The following ERG variants were observed in gnomAD, a reference collection of about 807,000 sequenced individuals.
The protein encoded by ERG is transcriptional regulator ERG.
A neutral mutation model predicts 55.3 loss-of-function variants in ERG; 9 were observed. That is an observed-to-expected ratio of 0.16 (90% CI 0.10 to 0.28). The LOEUF (loss-of-function observed/expected upper bound fraction) is 0.28. ERG is among the 10% of genes least tolerant of loss of function. The pLI is 1.00. For synonymous variants in ERG, 223 were observed against 237.3 expected (o/e 0.94, Z 0.55); for missense variants, 434 against 631.6 (o/e 0.69, Z 3.35).
intron 1 of ERG, among the ~76,000 whole-genome samples, chr21:38,489,053 G>A (rs1453442741): frequency 6.6e-6 from 1 of 152,210 alleles, no homozygotes; most frequent in Admixed American, 6.5e-5. Context: ...TCCACTGGGA[G>A]CCCTTCCTGC....
At chr21:38,523,551 G>A (rs952093794) in intron 2 of ERG, among the ~76,000 whole-genome samples, 3 of 152,110 alleles carry the variant, frequency 2.0e-5, no homozygotes, top group African/African-American at 7.2e-5. Context: ...GGAAGCCGGT[G>A]GTCACCCTGA....
chr21:38,500,746 C>A (rs922940789), upstream of ERG, among the ~76,000 whole-genome samples: 4 of 152,016 alleles, frequency 2.6e-5, no homozygotes, highest in Non-Finnish European at 5.9e-5. Context: ...AAGAGAAAAA[C>A]AGATGCTATT....
chr21:38,465,903 CCCT>C (rs2059084699), intron 1 of ERG, among the ~76,000 whole-genome samples: 1 of 152,078 alleles, frequency 6.6e-6, no homozygotes, highest in Admixed American at 6.6e-5. Flanking sequence ...GATGAGATGG[CCCT>C]CCCTGACCGC....
At chr21:38,635,898 T>C (rs1379423274) in intron 1 of ERG, among the ~76,000 whole-genome samples, 2 of 152,108 alleles carry the variant, frequency 1.3e-5, no homozygotes, top group East Asian at 1.9e-4. Context: ...AGTTCCACAA[T>C]TTGGGGGAGG....
chr21:38,622,800 C>T (rs1050727729), intron 1 of ERG, among the ~76,000 whole-genome samples: 1 of 148,368 alleles, frequency 6.7e-6, no homozygotes, highest in Non-Finnish European at 1.5e-5. Context: ...ATACCACAAA[C>T]ACACACAATC....
chr21:38,617,815 C>A (rs1241260800), intron 1 of ERG, among the ~76,000 whole-genome samples: 1 of 152,028 alleles, frequency 6.6e-6, no homozygotes, highest in Non-Finnish European at 1.5e-5. Flanking sequence ...TCTTTGTTTC[C>A]CAAAGGGTTT....
rs1987363934 is a variant in ERG, at chr21:38,380,244, T to C, written c.*3159A>G. On this transcript the variant is annotated 3_prime_UTR_variant, in exon 10 of 10. Coordinates refer to ENST00000288319, the MANE Select transcript of ERG (RefSeq NM_182918.4). ...CCAGCTCCTGAGCTGTAGCCATCTC[T>C]GCTGCACCTGCTGTCAGAGGGCAGC... The C allele has an allele frequency of 1.0e-5, 11 of 1,054,826 alleles. No individual in the cohort carries two copies. Among genetic ancestry groups the C allele is most frequent in the Non-Finnish European group, 1.3e-5 (11 of 872,728 alleles). The allele number at this position is 1,054,826 out of a possible 1,614,324, so 65.3% of individuals were successfully genotyped here.
chr21:38,605,598 A>G (rs2060191658), intron 1 of ERG, among the ~76,000 whole-genome samples: 1 of 152,184 alleles, frequency 6.6e-6, no homozygotes, highest in Non-Finnish European at 1.5e-5. Flanking sequence ...ACAGGAACCC[A>G]TAGGGATTTG....
chr21:38,628,668 C>G (rs1458637465), intron 1 of ERG, among the ~76,000 whole-genome samples: 1 of 152,162 alleles, frequency 6.6e-6, no homozygotes, highest in African/African-American at 2.4e-5. Context: ...GTGAGCATAC[C>G]ACACCTGCAC....
At chr21:38,446,944 A>C (rs578010284) in intron 1 of ERG, among the ~76,000 whole-genome samples, 1 of 152,166 alleles carries the variant, frequency 6.6e-6, no homozygotes, top group East Asian at 1.9e-4. Flanking sequence ...CCTTTGGGAC[A>C]TGTGTTTAAA....
intron 1 of ERG, among the ~76,000 whole-genome samples, chr21:38,496,302 C>T (rs2059378831): frequency 6.6e-6 from 1 of 152,154 alleles, no homozygotes; most frequent in South Asian, 2.1e-4. Flanking sequence ...AACAAAAAAA[C>T]AGAGTGCATT....
chr21:38,497,003 T>G (rs2226683), intron 1 of ERG, among the ~76,000 whole-genome samples: 2 of 152,178 alleles, frequency 1.3e-5, no homozygotes, highest in African/African-American at 4.8e-5. Context: ...CATGTAGCTA[T>G]AAGTAGGGCA....
intron 2 of ERG, among the ~76,000 whole-genome samples, chr21:38,541,500 TAAAC>T (rs1370933269): frequency 6.6e-6 from 1 of 152,186 alleles, no homozygotes; most frequent in Non-Finnish European, 1.5e-5. Context: ...AAGTGTAAAA[TAAAC>T]CTTAAATGAC....
Position 38,382,925 on chromosome 21 carries a change from G to T in ERG, c.*478C>A. On this transcript the variant is annotated 3_prime_UTR_variant, in exon 10 of 10. Coordinates refer to ENST00000288319, the MANE Select transcript of ERG (RefSeq NM_182918.4). ...CTGTTGATGGGCCACAGTCTCTCTC[G>T]TGTCTTTTCTCTTGTTTTTGATATG... 1 of 1,066,444 alleles carries T rather than the reference G, an allele frequency of 9.4e-7. No individual in the cohort carries two copies. Among genetic ancestry groups the T allele is most frequent in the Non-Finnish European group, 1.1e-6 (1 of 879,792 alleles). The allele number at this position is 1,066,444 out of a possible 1,614,324, so 66.1% of individuals were successfully genotyped here. A position where few individuals can be genotyped will look rare whatever the true frequency, so the allele number is the denominator to read the frequency against.
intron 1 of ERG, among the ~76,000 whole-genome samples, chr21:38,454,402 C>A (rs2146578378): frequency 6.6e-6 from 1 of 152,262 alleles, no homozygotes; most frequent in Admixed American, 6.5e-5. Context: ...TGAGAGCTTG[C>A]CAGAAATGCA....
Position 38,513,073 on chromosome 21 carries a change from G to A in ERG, c.-41+62589C>T, listed in dbSNP as rs193124657. Among the ~76,000 whole-genome samples the A allele has an allele frequency of 1.4e-3, 209 of 151,874 alleles. 1 individual carries two copies. The East Asian group carries it at 0.015, about 11-fold the overall frequency. The stretch of plus-strand genomic sequence containing the variant: ...TTGAACCAGGGAGTCGGAGGGTGCC[G>A]TGAGCCAAGATCATGCCACTGCACT... On this transcript the variant is annotated intron_variant, in intron 2 of 8. Transcript: ENST00000398897.
chr21:38,492,415 C>G (rs991934817), intron 1 of ERG, among the ~76,000 whole-genome samples: 1 of 152,174 alleles, frequency 6.6e-6, no homozygotes, highest in Non-Finnish European at 1.5e-5. Context: ...AGAAATGTCT[C>G]TAAAAACATA....
At chr21:38,439,002 GA>G (rs2058816568) in intron 2 of ERG, among the ~76,000 whole-genome samples, 1 of 152,216 alleles carries the variant, frequency 6.6e-6, no homozygotes. Context: ...CCCACGCTGA[GA>G]ATCACCACAC....
Position 38,404,443 on chromosome 21 carries a change from C to T in ERG, c.389-734G>A, listed in dbSNP as rs184057312. Reference sequence around the variant, plus strand: ...CAGGCCACGTCGTCACACTCCAGTGCTACCTATGGGACAGGGAGAGCAGGG... The same window carrying T: ...CAGGCCACGTCGTCACACTCCAGTGTTACCTATGGGACAGGGAGAGCAGGG... On this transcript the variant is annotated intron_variant, in intron 3 of 9. Transcript: ENST00000288319. Among the ~76,000 whole-genome samples, 9 of 152,332 alleles carry T rather than the reference C, an allele frequency of 5.9e-5. No homozygotes were observed. The East Asian group carries it at 1.7e-3, about 29-fold the overall frequency.
Sources: allele counts gnomAD v4.1 joint callset (sites outside exome capture counted in the v4.1 genomes callset), GRCh38; gene constraint gnomAD v4.1.1; transcripts MANE v1.5; gene names NCBI Gene and HGNC (gene_info 2026-07-23, HGNC 2026-07-21).